Variants in SLC8A1 observed in about 807,000 individuals in gnomAD.
SLC8A1 encodes the protein sodium/calcium exchanger 1.
In SLC8A1, 18 loss-of-function variants were observed where a neutral mutation model predicts 68.3. The ratio of observed to expected loss-of-function variants is 0.26; its 90% CI spans 0.18 to 0.39. The LOEUF (loss-of-function observed/expected upper bound fraction) is 0.39. Among genes scored for constraint, SLC8A1 ranks in the 10% least tolerant of loss-of-function variants. SLC8A1 has a pLI of 1.00. For missense variants in SLC8A1, 985 were observed against 1,156.7 expected, an observed-to-expected ratio of 0.85 and a Z score of 2.15; for synonymous variants, 475 against 415.5, an observed-to-expected ratio of 1.14 and a Z score of -1.74.
chr2:40,322,680 A>C (rs752643195), intron 2 of SLC8A1, among the ~76,000 whole-genome samples: 4 of 151,874 alleles, frequency 2.6e-5, no homozygotes, highest in Non-Finnish European at 2.9e-5. Context: ...TATCTCTAAA[A>C]ATAATGATAA....
At chr2:40,457,870 G>C (rs1283228692) in intron 1 of SLC8A1, among the ~76,000 whole-genome samples, 1 of 152,106 alleles carries the variant, frequency 6.6e-6, no homozygotes, top group Non-Finnish European at 1.5e-5. Flanking sequence ...ACTAGTTGGG[G>C]CTGCTATGGT....
At chr2:40,313,388 T>C (rs1168119220) in intron 2 of SLC8A1, among the ~76,000 whole-genome samples, 1 of 152,104 alleles carries the variant, frequency 6.6e-6, no homozygotes, top group East Asian at 1.9e-4. Context: ...CAAGTCTTTG[T>C]ATAGCTATAT....
intron 1 of SLC8A1, among the ~76,000 whole-genome samples, chr2:40,509,979 C>G (rs969855016): frequency 1.3e-5 from 2 of 151,904 alleles, no homozygotes; most frequent in African/African-American, 4.8e-5. Context: ...AGGCATGCAC[C>G]GCCACACCTG....
chr2:40,381,165 T>C (rs1353250853), intron 2 of SLC8A1, among the ~76,000 whole-genome samples: 3 of 151,958 alleles, frequency 2.0e-5, no homozygotes, highest in Non-Finnish European at 4.4e-5. Flanking sequence ...AACATCAAAA[T>C]CGGGGGTTGG....
In SLC8A1 at chr2:40,399,100, G is replaced by A. The variant is rs529102033; in HGVS notation, c.1808+29373C>T. 6.6e-5 allele frequency among the ~76,000 whole-genome samples: 10 copies of A among 152,190 alleles called. No individual in the cohort carries two copies. In the East Asian group the frequency reaches 1.9e-3, roughly 29 times the overall value. ...GTACCTATTATTTTAACATTTTCAT[G>A]GTCATATAAGAGGAAAGAACAGGTA... is the stretch of plus-strand genomic sequence containing the variant. On this transcript the variant is annotated intron_variant, in intron 2 of 7. Coordinates refer to ENST00000406785, the Ensembl canonical transcript of SLC8A1.
chr2:40,231,944 G>A (rs1038820182), intron 2 of SLC8A1, among the ~76,000 whole-genome samples: 4 of 152,230 alleles, frequency 2.6e-5, no homozygotes, highest in South Asian at 2.1e-4. Flanking sequence ...GGGACTCGAC[G>A]AGGAACTGGA....
At chr2:40,396,719 T>TC (rs1687009901) in intron 2 of SLC8A1, among the ~76,000 whole-genome samples, 1 of 133,842 alleles carries the variant, frequency 7.5e-6, no homozygotes, top group Non-Finnish European at 1.5e-5. Flanking sequence ...TTAAGCAGCA[T>TC]CCTTTTAACC....
intron 2 of SLC8A1, among the ~76,000 whole-genome samples, chr2:40,207,051 T>C (rs891023832): frequency 2.3e-4 from 35 of 152,238 alleles, no homozygotes; most frequent in African/African-American, 8.2e-4. Context: ...TAAAAATCTA[T>C]TTAATTAAGA....
chr2:40,331,036 C>T (rs181904685), intron 2 of SLC8A1, among the ~76,000 whole-genome samples: 2 of 152,290 alleles, frequency 1.3e-5, no homozygotes, highest in East Asian at 1.9e-4. Context: ...GAGGAGTACA[C>T]GTAGATGCTA....
intron 2 of SLC8A1, among the ~76,000 whole-genome samples, chr2:40,376,938 A>G (rs777975905): frequency 3.9e-5 from 6 of 152,086 alleles, no homozygotes; most frequent in Non-Finnish European, 7.4e-5. Flanking sequence ...GATGACCCCC[A>G]TGAACCATGA....
At chr2:40,341,915 T>C (rs144287601) in intron 2 of SLC8A1, among the ~76,000 whole-genome samples, 3 of 152,198 alleles carry the variant, frequency 2.0e-5, no homozygotes, top group African/African-American at 7.2e-5. Context: ...ATGTATTCTA[T>C]CTGCCTGGAG....
At chr2:40,108,718 G>GT (rs2034378107) in exon 8 of SLC8A1, 1 of 152,022 alleles carries the variant, frequency 6.6e-6, no homozygotes, top group Non-Finnish European at 1.5e-5. Flanking sequence ...TTCACTCTTT[G>GT]TTTTTTAGGT....
intron 2 of SLC8A1, among the ~76,000 whole-genome samples, chr2:40,410,719 C>A (rs1419753102): frequency 1.3e-5 from 2 of 152,044 alleles, no homozygotes; most frequent in African/African-American, 2.4e-5. Flanking sequence ...TTAAACATAT[C>A]TTCCCACTCT....
intron 2 of SLC8A1, among the ~76,000 whole-genome samples, chr2:40,410,589 T>C (rs1576248851): frequency 6.6e-6 from 1 of 152,070 alleles, no homozygotes; most frequent in African/African-American, 2.4e-5. Flanking sequence ...TTTTAAAAAT[T>C]AGAAAAAATG....
chr2:40,347,689 T>C (rs1669780562), intron 2 of SLC8A1, among the ~76,000 whole-genome samples: 2 of 152,210 alleles, frequency 1.3e-5, no homozygotes, highest in Admixed American at 1.3e-4. Context: ...AATTTTAAAA[T>C]AAAACTAATG....
rs574430360 is a variant in SLC8A1 at position 40,445,500 on chromosome 2, T to C, written c.-25+6404A>G. The stretch of plus-strand genomic sequence containing the variant: ...CTTGGATGAAATGATTTCAGAGTCA[T>C]AGAACTGGATTCTACTATCTCCTAT... On this transcript the variant is annotated intron_variant, in intron 1 of 7. Transcript: ENST00000406785. Among the ~76,000 whole-genome samples, 17 of 152,334 alleles carry C rather than the reference T, an allele frequency of 1.1e-4. 1 individual carries two copies. The highest frequency in any genetic ancestry group is 3.8e-4 in the African/African-American group (16 of 41,584).
At chr2:40,164,938 C>T in exon 5 of SLC8A1, 4 of 1,613,998 alleles carry the variant, frequency 2.5e-6, no homozygotes, top group Non-Finnish European at 3.4e-6. Flanking sequence ...CAATGCGCCT[C>T]TCCTCTTCCT....
rs188179707 is a variant in SLC8A1, at chr2:40,271,022, C to T, written c.1809-93167G>A. On this transcript the variant is annotated intron_variant, in intron 2 of 7. Coordinates refer to ENST00000406785, the Ensembl canonical transcript of SLC8A1. Reference sequence around the variant, plus strand: ...GTATACCCTAATCTTCCTCACTGGTCCACTGTGGTCTCATGTACTAAACTG... The same window carrying T: ...GTATACCCTAATCTTCCTCACTGGTTCACTGTGGTCTCATGTACTAAACTG... 2.0e-3 allele frequency among the ~76,000 whole-genome samples: 305 copies of T among 152,290 alleles called. 2 individuals carry two copies. Among genetic ancestry groups the T allele is most frequent in the Non-Finnish European group, 2.9e-3 (198 of 68,014 alleles).
At chr2:40,208,144 G>T (rs562545723) in intron 2 of SLC8A1, among the ~76,000 whole-genome samples, 2 of 152,116 alleles carry the variant, frequency 1.3e-5, no homozygotes, top group African/African-American at 4.8e-5. Context: ...AAAATAAAGG[G>T]TGTTAGTAGT....
Sources: allele counts gnomAD v4.1 joint callset (sites outside exome capture counted in the v4.1 genomes callset), GRCh38; gene constraint gnomAD v4.1.1; transcripts MANE v1.5; gene names NCBI Gene and HGNC (gene_info 2026-07-23, HGNC 2026-07-21).